Variants in ADAM29 observed in about 807,000 individuals in gnomAD.
ADAM29 encodes the protein ADAM metallopeptidase domain 29.
For missense variants in ADAM29, 969 were observed against 1,001.8 expected (o/e 0.97, Z 0.44); for synonymous variants, 367 against 342.3 (o/e 1.07, Z -0.80).
At chr4:174,930,417 G>GC (rs1164570714) in intron 2 of ADAM29, among the ~76,000 whole-genome samples, 1 of 152,032 alleles carries the variant, frequency 6.6e-6, no homozygotes, top group Non-Finnish European at 1.5e-5. Flanking sequence ...TGTGAAAAAG[G>GC]CCCTAGCACC....
rs1746903201 is a variant in ADAM29, at chr4:174,977,382, C to T, written c.1857C>T (p.Thr619=). 6.2e-7 allele frequency: 1 copy of T among 1,613,776 alleles called. No individual in the cohort carries two copies. Among genetic ancestry groups the T allele is most frequent in the Non-Finnish European group, 8.5e-7 (1 of 1,180,014 alleles). The part of the protein sequence containing the change: ...ICIHRHCVHI[T]ILNSNCSPAF... ...TCCACAGGCACTGTGTCCATATAAC[C>T]ATCTTGAATAGTAATTGCTCACCTG... is the stretch of plus-strand genomic sequence containing the variant. The change falls in exon 5 of 5, where the codon ACC becomes ACT. Residue 619 remains threonine, a synonymous_variant. Transcript: ENST00000359240.
chr4:174,937,596 C>G (rs1188756946), intron 4 of ADAM29, among the ~76,000 whole-genome samples: 1 of 152,026 alleles, frequency 6.6e-6, no homozygotes, highest in Non-Finnish European at 1.5e-5. Flanking sequence ...TTAAGGTTCT[C>G]AAACAGATCA....
chr4:174,965,516 T>TATC (rs1215454425), intron 4 of ADAM29, among the ~76,000 whole-genome samples: 1 of 149,932 alleles, frequency 6.7e-6, no homozygotes, highest in African/African-American at 2.5e-5. Context: ...TCTATCTATC[T>TATC]ATCTATCATC....
chr4:174,955,041 A>C (rs1009167671), intron 4 of ADAM29, among the ~76,000 whole-genome samples: 8 of 151,738 alleles, frequency 5.3e-5, no homozygotes, highest in African/African-American at 1.2e-4. Flanking sequence ...AACAGCAGCA[A>C]ATAAAACTAA....
intron 4 of ADAM29, among the ~76,000 whole-genome samples, chr4:174,942,576 C>G (rs1332232414): frequency 1.3e-5 from 2 of 152,138 alleles, no homozygotes; most frequent in Non-Finnish European, 2.9e-5. Flanking sequence ...GCTGGAGTGG[C>G]TGGGATGCAG....
At chr4:174,953,523 C>T in intron 4 of ADAM29, among the ~76,000 whole-genome samples, 1 of 152,130 alleles carries the variant, frequency 6.6e-6, no homozygotes. Context: ...ATGAAACTCA[C>T]ATAATATGAA....
At chr4:174,965,919 G>A (rs940442764) in intron 4 of ADAM29, among the ~76,000 whole-genome samples, 1 of 152,096 alleles carries the variant, frequency 6.6e-6, no homozygotes, top group Non-Finnish European at 1.5e-5. Context: ...ATTGGGCCCT[G>A]GTACAACAAA....
intron 4 of ADAM29, among the ~76,000 whole-genome samples, chr4:174,960,551 C>T: frequency 6.6e-6 from 1 of 152,018 alleles, no homozygotes; most frequent in East Asian, 1.9e-4. Context: ...TCAATTAAAT[C>T]ATTCTGGATG....
intron 4 of ADAM29, among the ~76,000 whole-genome samples, chr4:174,951,638 G>T (rs190645813): frequency 1.3e-3 from 191 of 152,248 alleles, no homozygotes; most frequent in Non-Finnish European, 2.2e-3. Flanking sequence ...TATCAAGAAT[G>T]CAGGATAATG....
chr4:174,951,205 T>C (rs1745156398), intron 4 of ADAM29, among the ~76,000 whole-genome samples: 1 of 152,200 alleles, frequency 6.6e-6, no homozygotes, highest in Admixed American at 6.5e-5. Context: ...CACTGGCCAA[T>C]GTCTCCACTC....
At chr4:174,954,695 T>A (rs1745399965) in intron 4 of ADAM29, among the ~76,000 whole-genome samples, 1 of 152,150 alleles carries the variant, frequency 6.6e-6, no homozygotes, top group South Asian at 2.1e-4. Context: ...AGGCTTAGTA[T>A]CCCCAATCTC....
intron 4 of ADAM29, among the ~76,000 whole-genome samples, chr4:174,957,670 A>C (rs1005324379): frequency 6.6e-6 from 1 of 151,748 alleles, no homozygotes; most frequent in African/African-American, 2.4e-5. Context: ...TTTTTAATAG[A>C]TAGAGGGCTG....
In ADAM29 at chr4:174,976,750, G is replaced by C; in HGVS notation, c.1225G>C (p.Glu409Gln). The C allele has an allele frequency of 6.2e-6, 10 of 1,614,028 alleles. No homozygotes were observed. The highest frequency in any genetic ancestry group is 7.6e-6 in the Non-Finnish European group (9 of 1,179,924). ...RCGNGVVEEG[E>Q]ECDCGPLKHC... The stretch of plus-strand genomic sequence containing the variant: ...TGGGAATGGTGTTGTTGAAGAAGGA[G>C]AAGAGTGTGACTGTGGACCTTTAAA... The change falls in exon 5 of 5, where the codon GAA (glutamate) becomes CAA (glutamine). Residue 409 changes from glutamate to glutamine, a missense_variant. Coordinates refer to ENST00000359240, the MANE Select transcript of ADAM29 (RefSeq NM_014269.4).
In ADAM29 at chr4:174,976,238, T is replaced by C. The variant is rs1220055271; in HGVS notation, c.713T>C (p.Val238Ala). Reference sequence around the variant, plus strand: ...AATATAGTGGATTCCATTTTGGATGTCATTGGTGTTAAGGTGTTATTATTT... The same window carrying C: ...AATATAGTGGATTCCATTTTGGATGCCATTGGTGTTAAGGTGTTATTATTT... ...IVNIVDSILD[V>A]IGVKVLLFGL... Residue 238 changes from valine (V) to alanine (A), a missense_variant, in exon 5 of 5, where the codon GTC becomes GCC. Physicochemically the swap from Val to Ala is moderately conservative, Grantham distance 64. Coordinates refer to ENST00000359240, the MANE Select transcript of ADAM29 (RefSeq NM_014269.4). The C allele has an allele frequency of 1.9e-6, 3 of 1,605,184 alleles. No homozygotes were observed. The highest frequency in any genetic ancestry group is 2.5e-6 in the Non-Finnish European group (3 of 1,177,378).
Position 174,975,658 on chromosome 4 carries a change from G to A in ADAM29, c.133G>A (p.Gly45Ser), listed in dbSNP as rs1052718405. Reference protein sequence around the residue: ...IPVRITGTTRGMTPPGWLSYI... With the variant: ...IPVRITGTTRSMTPPGWLSYI... ...TGTGAGGATAACTGGCACCACCAGA[G>A]GCATGACACCTCCAGGCTGGCTCTC... Residue 45 changes from glycine (G) to serine (S), a missense_variant, in exon 5 of 5, where the codon GGC becomes AGC. By Grantham distance (56) the Gly-to-Ser change is moderately conservative. Coordinates refer to ENST00000359240, the MANE Select transcript of ADAM29 (RefSeq NM_014269.4). 17 of 1,613,052 alleles carry A rather than the reference G, an allele frequency of 1.1e-5. No individual in the cohort carries two copies. In the African/African-American group the frequency reaches 2.1e-4, roughly 20 times the overall value.
chr4:174,960,266 T>C (rs1020604579), intron 4 of ADAM29, among the ~76,000 whole-genome samples: 5 of 151,984 alleles, frequency 3.3e-5, no homozygotes, highest in Admixed American at 3.3e-4. Flanking sequence ...GGTCTGTTAA[T>C]TTTTTTCATC....
intron 4 of ADAM29, among the ~76,000 whole-genome samples, chr4:174,962,201 C>T (rs985800014): frequency 1.3e-5 from 2 of 152,054 alleles, no homozygotes; most frequent in African/African-American, 4.8e-5. Context: ...TTTTCTATAG[C>T]TATCATGTTA....
intron 4 of ADAM29, among the ~76,000 whole-genome samples, chr4:174,965,383 CT>C (rs947506686): frequency 3.3e-5 from 5 of 152,098 alleles, no homozygotes; most frequent in African/African-American, 1.2e-4. Flanking sequence ...CCCCCATGAT[CT>C]GAACATCACA....
chr4:174,958,472 C>T (rs34993807), intron 4 of ADAM29, among the ~76,000 whole-genome samples: 63,427 of 151,534 alleles, frequency 0.42, 13,849 homozygotes, highest in African/African-American at 0.54. Context: ...TTGGCTTTCT[C>T]TTGATTAGTG....
Sources: gnomAD v4.1 joint callset for allele counts (sites outside exome capture counted in the v4.1 genomes callset) on GRCh38, gnomAD v4.1.1 for gene constraint, MANE v1.5 for transcripts, NCBI Gene and HGNC (gene_info 2026-07-23, HGNC 2026-07-21) for gene names.